Variants in FOXO3 observed in about 807,000 individuals in gnomAD.
FOXO3 encodes forkhead box protein O3.
A neutral mutation model predicts 41.9 loss-of-function variants in FOXO3; 4 were observed. The ratio of observed to expected loss-of-function variants is 0.10; its 90% CI spans 0.05 to 0.22. The LOEUF is 0.22. Among genes scored for constraint, FOXO3 ranks in the 10% least tolerant of loss-of-function variants. The pLI is 1.00. For missense variants in FOXO3, 534 were observed against 906.8 expected (o/e 0.59, Z 5.28); for synonymous variants, 318 against 389.3 (o/e 0.82, Z 2.16).
rs768572858 is a variant in FOXO3 at position 108,664,119 on chromosome 6, C to G, written c.1286C>G (p.Ser429Cys). ...KGSGLGSPTS[S>C]FNSTVFGPSS... is the part of the protein sequence containing the mutation. ...TCGGGCCTGGGCTCCCCAACCAGCTCCTTTAACAGCACGGTGTTCGGACCT... is the reference window on the plus strand; with the variant it reads ...TCGGGCCTGGGCTCCCCAACCAGCTGCTTTAACAGCACGGTGTTCGGACCT... The change falls in exon 2 of 3, where the codon TCC becomes TGC. Residue 429 changes from serine (S) to cysteine (C), a missense_variant. Coordinates refer to ENST00000406360, the MANE Select transcript of FOXO3 (RefSeq NM_001455.4). 8 of 1,614,040 alleles carry G rather than the reference C, an allele frequency of 5.0e-6. No homozygotes were observed. Among genetic ancestry groups the G allele is most frequent in the Non-Finnish European group, 5.9e-6 (7 of 1,180,056 alleles).
At chr6:108,670,774 T>C (rs1203039559) in intron 2 of FOXO3, among the ~76,000 whole-genome samples, 1 of 152,202 alleles carries the variant, frequency 6.6e-6, no homozygotes, top group African/African-American at 2.4e-5. Flanking sequence ...CAGGGCTTCT[T>C]TGCCCTTCTC....
At chr6:108,595,784 T>C (rs1252824673) in intron 1 of FOXO3, among the ~76,000 whole-genome samples, 1 of 152,188 alleles carries the variant, frequency 6.6e-6, no homozygotes, top group Non-Finnish European at 1.5e-5. Flanking sequence ...AACATGAAAT[T>C]AGTGACCTCT....
intron 1 of FOXO3, among the ~76,000 whole-genome samples, chr6:108,585,000 C>T (rs1776534266): frequency 1.5e-5 from 2 of 132,384 alleles, no homozygotes; most frequent in Non-Finnish European, 3.2e-5. Flanking sequence ...GCTTTGCCAC[C>T]AAGAATTGCT....
rs1035891423 is a variant in FOXO3, at chr6:108,664,878, T to C, written c.*23T>C. On this transcript the variant is annotated 3_prime_UTR_variant, in exon 2 of 3. Transcript: ENST00000406360. ...TGAAGGATCACTGAGGAAGGGGAAG[T>C]GGGCAAAGCAGGTCAGTGCCGAATG... 1.3e-6 allele frequency: 2 copies of C among 1,597,354 alleles called. No homozygotes were observed. The highest frequency in any genetic ancestry group is 1.7e-6 in the Non-Finnish European group (2 of 1,171,370).
chr6:108,612,095 T>G (rs1777380854), intron 1 of FOXO3, among the ~76,000 whole-genome samples: 1 of 152,218 alleles, frequency 6.6e-6, no homozygotes, highest in African/African-American at 2.4e-5. Flanking sequence ...TCAAAATCAT[T>G]TGTACTGTTC....
At chr6:108,574,781 GATAAA>G (rs1361326143) in intron 1 of FOXO3, among the ~76,000 whole-genome samples, 2 of 152,192 alleles carry the variant, frequency 1.3e-5, no homozygotes, top group Non-Finnish European at 1.5e-5. Context: ...AGTGCCGTAA[GATAAA>G]ATGTAGTTAA....
chr6:108,624,815 A>C (rs1451241306), intron 1 of FOXO3, among the ~76,000 whole-genome samples: 2 of 152,082 alleles, frequency 1.3e-5, no homozygotes, highest in African/African-American at 2.4e-5. Context: ...TTTTATAAAG[A>C]GTCTTGCTCT....
At chr6:108,668,680 G>A (rs547317324) in intron 2 of FOXO3, among the ~76,000 whole-genome samples, 1 of 152,246 alleles carries the variant, frequency 6.6e-6, no homozygotes, top group East Asian at 1.9e-4. Flanking sequence ...ATAAAGACTG[G>A]GAAGCATCCA....
intron 1 of FOXO3, among the ~76,000 whole-genome samples, chr6:108,563,701 C>G (rs1413842520): frequency 2.0e-5 from 3 of 152,142 alleles, no homozygotes; most frequent in African/African-American, 7.2e-5. Context: ...TTTCACCTTT[C>G]CTGTGATTTT....
chr6:108,630,452 T>G (rs9285397), intron 1 of FOXO3, among the ~76,000 whole-genome samples: 6 of 151,994 alleles, frequency 3.9e-5, no homozygotes, highest in African/African-American at 1.5e-4. Flanking sequence ...TGTGAGACTT[T>G]CAAGGGAATT....
At chr6:108,660,948 T>C (rs955103350) in intron 1 of FOXO3, among the ~76,000 whole-genome samples, 1 of 152,084 alleles carries the variant, frequency 6.6e-6, no homozygotes, top group Admixed American at 6.6e-5. Flanking sequence ...TAGTCCTAGC[T>C]ACTCGGGAGG....
intron 1 of FOXO3, among the ~76,000 whole-genome samples, chr6:108,662,905 T>C (rs1188338829): frequency 6.6e-6 from 1 of 152,220 alleles, no homozygotes. Flanking sequence ...AAAACTACTA[T>C]CAGTGAGCTT....
chr6:108,582,898 A>T lies in FOXO3; in HGVS notation c.621+21069A>T, dbSNP rs1047642760. 2.6e-5 allele frequency among the ~76,000 whole-genome samples: 4 copies of T among 152,044 alleles called. 1 individual carries two copies. The highest frequency in any genetic ancestry group is 5.9e-5 in the Non-Finnish European group (4 of 68,004). Reference sequence around the variant, plus strand: ...ATGTTCCCCTGTTCATCTCACCTGGACTGCTTCCTGAGGGATTTTCTAGGG... The same window carrying T: ...ATGTTCCCCTGTTCATCTCACCTGGTCTGCTTCCTGAGGGATTTTCTAGGG... On this transcript the variant is annotated intron_variant, in intron 1 of 2. Coordinates refer to ENST00000406360, the MANE Select transcript of FOXO3 (RefSeq NM_001455.4).
intron 1 of FOXO3, among the ~76,000 whole-genome samples, chr6:108,582,142 A>T (rs566518933): frequency 6.6e-6 from 1 of 152,260 alleles, no homozygotes; most frequent in Non-Finnish European, 1.5e-5. Flanking sequence ...CCTCACAGGA[A>T]TAAAGGACAT....
rs368995876 is a variant in FOXO3 at position 108,669,150 on chromosome 6, C to G, written c.*34+4261C>G. ...AAATAAAAACTAAATAAACTTGAAC[C>G]CTAACATTTTGTCTGTGAAATGGAC... On this transcript the variant is annotated intron_variant, in intron 2 of 2. Transcript: ENST00000406360. 1.2e-4 allele frequency among the ~76,000 whole-genome samples: 18 copies of G among 152,174 alleles called. No homozygotes were observed. The South Asian group carries it at 3.3e-3, about 28-fold the overall frequency.
intron 1 of FOXO3, among the ~76,000 whole-genome samples, chr6:108,624,202 G>A (rs1484080128): frequency 6.6e-6 from 1 of 152,022 alleles, no homozygotes; most frequent in East Asian, 1.9e-4. Context: ...GCTTTCCAAA[G>A]ATTTATCCTG....
At chr6:108,655,638 G>C (rs1323124011) in intron 1 of FOXO3, among the ~76,000 whole-genome samples, 2 of 152,164 alleles carry the variant, frequency 1.3e-5, no homozygotes, top group Non-Finnish European at 2.9e-5. Context: ...TAATAGGCGG[G>C]GTGAAGAACT....
At chr6:108,568,178 C>G (rs568991943) in intron 1 of FOXO3, among the ~76,000 whole-genome samples, 1 of 151,668 alleles carries the variant, frequency 6.6e-6, no homozygotes, top group Admixed American at 6.6e-5. Context: ...CACCACTGCA[C>G]TCCAGCCTGG....
chr6:108,599,806 A>G (rs989776331), intron 1 of FOXO3, among the ~76,000 whole-genome samples: 5 of 152,178 alleles, frequency 3.3e-5, no homozygotes, highest in African/African-American at 7.2e-5. Context: ...GACAAATTCT[A>G]TCTTCTTCCT....
Sources: gnomAD v4.1 joint callset for allele counts (sites outside exome capture counted in the v4.1 genomes callset) on GRCh38, gnomAD v4.1.1 for gene constraint, MANE v1.5 for transcripts, NCBI Gene and HGNC (gene_info 2026-07-23, HGNC 2026-07-21) for gene names.